The following SIGLEC7 variants were observed in gnomAD, a reference collection of about 807,000 sequenced individuals.
SIGLEC7 encodes sialic acid binding Ig like lectin 7.
SIGLEC7 carries 33 observed loss-of-function variants against 40.8 expected under a neutral mutation model. The ratio of observed to expected loss-of-function variants is 0.81; its 90% CI spans 0.61 to 1.08. The LOEUF (loss-of-function observed/expected upper bound fraction) is 1.08. Among genes scored for constraint, SIGLEC7 ranks in the 50% least tolerant of loss-of-function variants. The pLI is 0.00. For missense variants in SIGLEC7, 513 were observed against 576.1 expected, an observed-to-expected ratio of 0.89 and a Z score of 1.12; for synonymous variants, 242 against 237.6, an observed-to-expected ratio of 1.02 and a Z score of -0.17.
chr19:51,144,044 C>T (rs1009542041), intron 1 of SIGLEC7: 8 of 576,084 alleles, frequency 1.4e-5, no homozygotes, highest in South Asian at 2.8e-5. Context: ...GCAGGAGACA[C>T]GGGGCCGATT....
intron 6 of SIGLEC7, among the ~76,000 whole-genome samples, chr19:51,148,758 T>A (rs1319957768): frequency 6.6e-6 from 1 of 152,218 alleles, no homozygotes; most frequent in African/African-American, 2.4e-5. Context: ...TTCAGGAAAT[T>A]ACCATACTGC....
chr19:51,146,856 C>T lies in SIGLEC7; in HGVS notation c.1124+6C>T. 1 of 1,612,916 alleles carries T rather than the reference C, an allele frequency of 6.2e-7. No homozygotes were observed. The highest frequency in any genetic ancestry group is 8.5e-7 in the Non-Finnish European group (1 of 1,179,110). On this transcript the variant is annotated splice_donor_region_variant and intron_variant, in intron 5 of 6. Transcript: ENST00000317643. ...TTCTGTGTCATCTTCATTGTGTGAGCACTGACCCTAGGGAGGGAGGGAGAG... is the reference window on the plus strand; with the variant it reads ...TTCTGTGTCATCTTCATTGTGTGAGTACTGACCCTAGGGAGGGAGGGAGAG...
At chr19:51,146,680 C>T in intron 4 of SIGLEC7, 74 bp from the exon 5 acceptor site, 1 of 1,342,974 alleles carries the variant, frequency 7.4e-7, no homozygotes. Context: ...AGTTGGGGGC[C>T]TTATAGGAAG....
At chr19:51,143,060 T>C (rs1599829728) in intron 1 of SIGLEC7, among the ~76,000 whole-genome samples, 1 of 152,102 alleles carries the variant, frequency 6.6e-6, no homozygotes, top group African/African-American at 2.4e-5. Flanking sequence ...ATGTGGGGCC[T>C]TATGACTCCT....
At chr19:51,149,553 TA>T (rs1289281463) in intron 6 of SIGLEC7, among the ~76,000 whole-genome samples, 3 of 152,354 alleles carry the variant, frequency 2.0e-5, no homozygotes, top group Admixed American at 6.5e-5. Flanking sequence ...TTGGTTACTG[TA>T]GACTTGTAAT....
chr19:51,146,620 T>G, intron 4 of SIGLEC7, 134 bp from the exon 5 acceptor site: 1 of 685,520 alleles, frequency 1.5e-6, no homozygotes, highest in Admixed American at 2.7e-5. Flanking sequence ...CCCTTCCTCC[T>G]CCCTCCCATT....
chr19:51,142,435 C>G lies in SIGLEC7; in HGVS notation c.66C>G (p.Asn22Lys), dbSNP rs1342056178. The G allele has an allele frequency of 6.2e-7, 1 of 1,614,118 alleles. No individual in the cohort carries two copies. The highest frequency in any genetic ancestry group is 1.1e-5 in the South Asian group (1 of 91,080). The change falls in exon 1 of 7, where the codon AAC (asparagine) becomes AAG (lysine). Residue 22 changes from asparagine (N) to lysine (K), a missense_variant. Coordinates refer to ENST00000317643, the MANE Select transcript of SIGLEC7 (RefSeq NM_014385.4). The surrounding 1 kb of genome is among the most constrained non-coding windows in gnomAD (Gnocchi z 5.0). The part of the protein sequence containing the change: ...GRERVEGQKS[N>K]RKDYSLTMQS... ...AGAGGGTGGAAGGACAGAAGAGTAA[C>G]CGGAAGGATTACTCGCTGACGATGC...
chr19:51,146,966 G>A, intron 5 of SIGLEC7, 116 bp downstream of exon 5: 1 of 1,115,282 alleles, frequency 9.0e-7, no homozygotes, highest in Non-Finnish European at 1.3e-6. Flanking sequence ...GGGCAAGAAT[G>A]AGCTCACGGG....
rs184249098 is a variant in SIGLEC7, at chr19:51,142,345, G to A, written c.-25G>A. ...CCCTGAGGAACAGACGTTCCCTCGC[G>A]GCCCTGGCACCTCCAACCCCAGATA... On this transcript the variant is annotated 5_prime_UTR_variant, in exon 1 of 7. Coordinates refer to ENST00000317643, the MANE Select transcript of SIGLEC7 (RefSeq NM_014385.4). The surrounding 1 kb of genome is among the most constrained non-coding windows in gnomAD (Gnocchi z 5.0). The A allele has an allele frequency of 4.4e-5, 70 of 1,606,016 alleles. No individual in the cohort carries two copies. In the Middle Eastern group the frequency reaches 5.0e-4, roughly 11 times the overall value.
intron 1 of SIGLEC7, chr19:51,144,049 C>A: frequency 1.7e-6 from 1 of 586,338 alleles, no homozygotes. Flanking sequence ...AGACACGGGG[C>A]CGATTCCACC....
chr19:51,144,090 C>T, intron 1 of SIGLEC7: 1 of 651,180 alleles, frequency 1.5e-6, no homozygotes, highest in Admixed American at 1.8e-5. Flanking sequence ...AACAACTGCT[C>T]CCTGAGCATC....
rs138577654 is a variant in SIGLEC7, at chr19:51,146,119, C to A, written c.1025C>A (p.Thr342Lys). The A allele has an allele frequency of 1.9e-6, 3 of 1,613,678 alleles. No individual in the cohort carries two copies. In the South Asian group the frequency reaches 3.3e-5, roughly 18 times the overall value. ...AACCTCTCCCTGCAACAGGAGTACACAGGTGGGTAAGGGAGGGGCTGGAGG... is the reference window on the plus strand; with the variant it reads ...AACCTCTCCCTGCAACAGGAGTACAAAGGTGGGTAAGGGAGGGGCTGGAGG... ...SLNLSLQQEY[T>K]GKMRPVSGVL... The change falls in exon 4 of 7, where the codon ACA (threonine) becomes AAA (lysine). Residue 342 changes from threonine to lysine, a missense_variant and splice_region_variant. Coordinates refer to ENST00000317643, the MANE Select transcript of SIGLEC7 (RefSeq NM_014385.4).
intron 1 of SIGLEC7, chr19:51,144,184 G>C (rs961702682): frequency 5.3e-6 from 4 of 760,094 alleles, no homozygotes; most frequent in Non-Finnish European, 7.0e-6. Context: ...AAACGAAGCA[G>C]CTCTCTGTGA....
intron 6 of SIGLEC7, among the ~76,000 whole-genome samples, chr19:51,147,770 G>A (rs2092119197): frequency 6.6e-6 from 1 of 152,090 alleles, no homozygotes; most frequent in Non-Finnish European, 1.5e-5. Flanking sequence ...CATCTGGACA[G>A]CTGTTCCCAC....
Position 51,145,714 on chromosome 19 carries a change from T to G in SIGLEC7, c.761-141T>G. ...CAAATAAAGGTGGGCAAGTTTACATTCCCAACAGTGAGCGGTGAACATAAG... is the reference window on the plus strand; with the variant it reads ...CAAATAAAGGTGGGCAAGTTTACATGCCCAACAGTGAGCGGTGAACATAAG... On this transcript the variant is annotated intron_variant, in intron 3 of 6. Coordinates refer to ENST00000317643, the MANE Select transcript of SIGLEC7 (RefSeq NM_014385.4). This position sits in a 1 kb window ranked among gnomAD's most constrained non-coding sequence, Gnocchi z 4.3. The G allele has an allele frequency of 6.3e-6, 6 of 957,812 alleles. No individual in the cohort carries two copies. Among genetic ancestry groups the G allele is most frequent in the Non-Finnish European group, 7.8e-6 (5 of 637,310 alleles). 59.3% of individuals were successfully genotyped at this position (957,812 alleles called of 1,614,324 possible).
rs774823841 is a variant in SIGLEC7 at position 51,153,138 on chromosome 19, A to T, written c.1297A>T (p.Arg433Ter). 1.2e-6 allele frequency: 2 copies of T among 1,610,800 alleles called. No individual in the cohort carries two copies. Among genetic ancestry groups the T allele is most frequent in the South Asian group, 2.2e-5 (2 of 89,918 alleles). Residue 433 changes from arginine to a stop codon, truncating the protein, a stop_gained, in exon 7 of 7, where the codon AGA becomes TGA. Coordinates refer to ENST00000317643, the MANE Select transcript of SIGLEC7 (RefSeq NM_014385.4). LOFTEE classifies it low-confidence loss of function (END_TRUNC). The part of the protein sequence containing the change: ...GLAAHSSGEE[R>*]EIQYAPLSFH... ...GGCTGCCCACTCCTCAGGGGAGGAA[A>T]GAGAGATCCAGTATGCACCCCTCAG...
In SIGLEC7 at chr19:51,144,600, C is replaced by G. The variant is rs922598624; in HGVS notation, c.628C>G (p.His210Asp). The G allele has an allele frequency of 3.1e-6, 5 of 1,613,972 alleles. No homozygotes were observed. The highest frequency in any genetic ancestry group is 1.1e-5 in the South Asian group (1 of 91,090). ...GCTCACCCTCATCCCACAGCCCCAG[C>G]ACCACGGCACCAGCCTCACCTGTCA... is the stretch of plus-strand genomic sequence containing the variant. ...SVLTLIPQPQ[H>D]HGTSLTCQVT... Residue 210 changes from histidine (H) to aspartate (D), a missense_variant, in exon 2 of 7, where the codon CAC becomes GAC. Transcript: ENST00000317643.
chr19:51,146,972 A>C lies in SIGLEC7; in HGVS notation c.1124+122A>C, dbSNP rs1383374118. 68 of 1,092,972 alleles carry C rather than the reference A, an allele frequency of 6.2e-5. No homozygotes were observed. In the East Asian group the frequency reaches 6.8e-4, roughly 11 times the overall value. The allele number at this position is 1,092,972 out of a possible 1,614,324, so 67.7% of individuals were successfully genotyped here. On this transcript the variant is annotated intron_variant, in intron 5 of 6. Transcript: ENST00000317643. ...AAGAGCTTGGGGCAAGAATGAGCTC[A>C]CGGGTGCGTGGCAAGAATTTCAAGA...
intron 6 of SIGLEC7, among the ~76,000 whole-genome samples, chr19:51,150,248 C>G (rs1159781994): frequency 6.6e-6 from 1 of 152,172 alleles, no homozygotes; most frequent in African/African-American, 2.4e-5. Context: ...ATGCTTTCAG[C>G]TTTTCCATAT....
Sources: gnomAD v4.1 joint callset for allele counts (sites outside exome capture counted in the v4.1 genomes callset) on GRCh38, gnomAD v4.1.1 for gene constraint, Gnocchi (gnomAD v3.1) non-coding constraint, MANE v1.5 for transcripts, NCBI Gene and HGNC (gene_info 2026-07-23, HGNC 2026-07-21) for gene names.